Variants in FBXO10 observed in about 807,000 individuals in gnomAD.
The protein encoded by FBXO10 is F-box protein 10, also known as F-box only protein 10.
A neutral mutation model predicts 80.7 loss-of-function variants in FBXO10; 39 were observed. That is an observed-to-expected ratio of 0.48 (90% CI 0.37 to 0.63). The LOEUF (loss-of-function observed/expected upper bound fraction) is 0.63, where lower values mean the gene tolerates loss of function less well. FBXO10 is among the 30% of genes least tolerant of loss of function. FBXO10 has a pLI of 0.00. For missense variants in FBXO10, 1,025 were observed against 1,269.0 expected (o/e 0.81, Z 2.92); for synonymous variants, 449 against 489.6 (o/e 0.92, Z 1.09).
At chr9:37,572,565 A>T (rs936700835) in intron 1 of FBXO10, among the ~76,000 whole-genome samples, 1 of 152,186 alleles carries the variant, frequency 6.6e-6, no homozygotes, top group African/African-American at 2.4e-5. Context: ...CACAAAATGC[A>T]AAAGTATGAT....
At chr9:37,530,326 A>T (rs1160675384) in intron 4 of FBXO10, among the ~76,000 whole-genome samples, 1 of 152,212 alleles carries the variant, frequency 6.6e-6, no homozygotes, top group African/African-American at 2.4e-5. Context: ...TGGCAGGCTC[A>T]TCAGAGCAAC....
chr9:37,525,035 G>A (rs1821432509), intron 6 of FBXO10, 67 bp downstream of exon 6: 10 of 1,401,194 alleles, frequency 7.1e-6, no homozygotes, highest in African/African-American at 1.4e-5. Flanking sequence ...GTGAGGTCCT[G>A]AAGCTGGGGG....
chr9:37,522,197 C>T, intron 7 of FBXO10: 1 of 362,238 alleles, frequency 2.8e-6, no homozygotes, highest in Non-Finnish European at 4.1e-6. Context: ...CCTACCACTT[C>T]CCAGCTGTGA....
intron 1 of FBXO10, among the ~76,000 whole-genome samples, chr9:37,554,326 G>A (rs1447968884): frequency 6.6e-6 from 1 of 152,192 alleles, no homozygotes; most frequent in African/African-American, 2.4e-5. Flanking sequence ...ATTATACAGT[G>A]TGTCACCTAT....
chr9:37,532,033 T>G lies in FBXO10; in HGVS notation c.1445A>C (p.Tyr482Ser), dbSNP rs747931656. Residue 482 changes from tyrosine (Y) to serine (S), a missense_variant, in exon 4 of 11, where the codon TAC (tyrosine) becomes TCC (serine). Around this residue, in one of 3 missense-constraint regions of FBXO10, gnomAD observed 478 missense variants for 667.8 expected, o/e 0.72. Coordinates refer to ENST00000432825, the MANE Select transcript of FBXO10 (RefSeq NM_012166.3). ...AAAGATGCCTGACGCTCGGCAGCGG[T>G]AAATGTCGTTCCTGAGCATGATGAT... ...SKIIMLRNDI[Y>S]RCRASGIFLR... The G allele has an allele frequency of 1.2e-6, 2 of 1,613,830 alleles. No individual in the cohort carries two copies. Among genetic ancestry groups the G allele is most frequent in the Non-Finnish European group, 1.7e-6 (2 of 1,179,764 alleles).
chr9:37,572,740 G>T (rs1214902424), intron 1 of FBXO10, among the ~76,000 whole-genome samples: 1 of 152,164 alleles, frequency 6.6e-6, no homozygotes, highest in Non-Finnish European at 1.5e-5. Flanking sequence ...CAATGTTCCA[G>T]TTCTTGACAT....
intron 1 of FBXO10, among the ~76,000 whole-genome samples, chr9:37,557,786 T>C (rs555028880): frequency 6.6e-6 from 1 of 152,374 alleles, no homozygotes. Context: ...TCATCTATAA[T>C]ACTTTTCTAG....
At chr9:37,516,823 TGG>T (rs1821187009) in intron 9 of FBXO10, among the ~76,000 whole-genome samples, 1 of 151,934 alleles carries the variant, frequency 6.6e-6, no homozygotes. Flanking sequence ...TAGCTGGGCA[TGG>T]CGGCACATGC....
At chr9:37,550,106 T>C (rs910109579) in intron 1 of FBXO10, among the ~76,000 whole-genome samples, 2 of 150,770 alleles carry the variant, frequency 1.3e-5, no homozygotes, top group Admixed American at 1.3e-4. Flanking sequence ...GCACAGTACA[T>C]ATAGGAAGAG....
Position 37,547,037 on chromosome 9 carries a change from C to T in FBXO10, c.-6-5263G>A, listed in dbSNP as rs565123868. Among the ~76,000 whole-genome samples, 4 of 152,230 alleles carry T rather than the reference C, an allele frequency of 2.6e-5. No individual in the cohort carries two copies. In the South Asian group the frequency reaches 8.3e-4, roughly 32 times the overall value. On this transcript the variant is annotated intron_variant, in intron 1 of 10. Transcript: ENST00000432825. ...CTTCTACAGTTAAATGCATACCTAT[C>T]CTATGACCCAGGAATTCCACTCCTA...
At chr9:37,540,876 C>T (rs1821893432) in intron 2 of FBXO10, among the ~76,000 whole-genome samples, 1 of 152,186 alleles carries the variant, frequency 6.6e-6, no homozygotes, top group Non-Finnish European at 1.5e-5. Flanking sequence ...GCTTCCAGAA[C>T]CTGGCTTTCC....
chr9:37,522,138 G>A (rs1776926946), intron 7 of FBXO10, among the ~76,000 whole-genome samples: 1 of 152,196 alleles, frequency 6.6e-6, no homozygotes, highest in African/African-American at 2.4e-5. Context: ...GTGCCAAGGG[G>A]GCACCAATCC....
rs71494672 is a variant in FBXO10 at position 37,571,714 on chromosome 9, CATATATAT to C, written c.-7+4489_-7+4496del. 2.0e-3 allele frequency among the ~76,000 whole-genome samples: 182 copies of C among 93,130 alleles called. 1 individual carries two copies. The highest frequency in any genetic ancestry group is 0.014 in the East Asian group (55 of 3,800). The allele number at this position is 93,130 out of a possible 152,430, so 61.1% of individuals were successfully genotyped here. The stretch of plus-strand genomic sequence containing the variant: ...CCATTTAAGAGGGTGAAAAGAGAGC[CATATATAT>C]ATATATATATATATATATATATATA... On this transcript the variant is annotated intron_variant, in intron 1 of 10. Coordinates refer to ENST00000432825, the MANE Select transcript of FBXO10 (RefSeq NM_012166.3).
At chr9:37,557,553 T>G (rs1822368444) in intron 1 of FBXO10, among the ~76,000 whole-genome samples, 1 of 152,226 alleles carries the variant, frequency 6.6e-6, no homozygotes, top group Non-Finnish European at 1.5e-5. Flanking sequence ...TTTAAAATGT[T>G]ATTTTGCTGT....
At chr9:37,561,141 C>CA (rs915247755) in intron 1 of FBXO10, among the ~76,000 whole-genome samples, 6 of 141,418 alleles carry the variant, frequency 4.2e-5, no homozygotes, top group East Asian at 4.1e-4. Flanking sequence ...GACTCCGTCT[C>CA]AAAAAAACAA....
At chr9:37,530,104 G>A (rs1821580549) in intron 4 of FBXO10, among the ~76,000 whole-genome samples, 1 of 152,196 alleles carries the variant, frequency 6.6e-6, no homozygotes, top group Non-Finnish European at 1.5e-5. Context: ...CTTTTGCACA[G>A]TGACTTAATA....
At chr9:37,550,774 T>A (rs1822180307) in intron 1 of FBXO10, among the ~76,000 whole-genome samples, 1 of 152,174 alleles carries the variant, frequency 6.6e-6, no homozygotes. Context: ...ACCCAGCCTA[T>A]TTCTCAGTTC....
chr9:37,542,555 C>T (rs1159507628), intron 1 of FBXO10, among the ~76,000 whole-genome samples: 1 of 142,404 alleles, frequency 7.0e-6, no homozygotes. Context: ...CAGATCGTGC[C>T]ATTGCGCTCC....
intron 1 of FBXO10, among the ~76,000 whole-genome samples, chr9:37,563,006 A>G (rs1822517519): frequency 6.6e-6 from 1 of 152,164 alleles, no homozygotes; most frequent in Admixed American, 6.5e-5. Flanking sequence ...CTAGAATTAT[A>G]CTCCCCATAA....
Sources: gnomAD v4.1 joint callset for allele counts (sites outside exome capture counted in the v4.1 genomes callset) on GRCh38, gnomAD v4.1.1 for gene constraint, gnomAD v4.1.1 regional missense constraint, MANE v1.5 for transcripts, NCBI Gene and HGNC (gene_info 2026-07-23, HGNC 2026-07-21) for gene names.